The following PTPRG variants were observed in gnomAD, a reference collection of about 807,000 sequenced individuals.
PTPRG encodes the protein receptor-type tyrosine-protein phosphatase gamma.
In PTPRG, 102 loss-of-function variants were observed where a neutral mutation model predicts 165.3. That is an observed-to-expected ratio of 0.62 (90% CI 0.53 to 0.73). The LOEUF (loss-of-function observed/expected upper bound fraction) is 0.73, where lower values mean the gene tolerates loss of function less well. Among genes scored for constraint, PTPRG ranks in the 30% least tolerant of loss-of-function variants. The pLI is 0.00. For missense variants in PTPRG, 1,866 were observed against 1,861.4 expected (o/e 1.00, Z -0.05); for synonymous variants, 675 against 669.5 (o/e 1.01, Z -0.13).
intron 4 of PTPRG, among the ~76,000 whole-genome samples, chr3:62,074,178 AGAGTGTGT>A (rs1429841049): frequency 0.035 from 2,254 of 64,990 alleles, 61 homozygotes; most frequent in African/African-American, 0.099. Context: ...AAAAAAAGTG[AGAGTGTGT>A]GTGTGTGTGT....
intron 4 of PTPRG, among the ~76,000 whole-genome samples, chr3:62,034,880 A>C (rs1699892921): frequency 6.6e-6 from 1 of 152,254 alleles, no homozygotes; most frequent in African/African-American, 2.4e-5. Context: ...TAATGGGAGC[A>C]ATCTCACTCT....
intron 8 of PTPRG, among the ~76,000 whole-genome samples, chr3:62,173,708 C>T (rs1705308937): frequency 6.6e-6 from 1 of 152,182 alleles, no homozygotes; most frequent in Non-Finnish European, 1.5e-5. Flanking sequence ...AGAGGGGTAA[C>T]CAGAGCCTCA....
chr3:62,189,332 G>A lies in PTPRG; in HGVS notation c.1034-2137G>A, dbSNP rs149467553. Among the ~76,000 whole-genome samples, 240 of 152,228 alleles carry A rather than the reference G, an allele frequency of 1.6e-3. 1 individual carries two copies. The Middle Eastern group carries it at 0.065, about 41-fold the overall frequency. ...TCCACCGGCCAGGTCCTCAAAGCTG[G>A]GCCATGCGTCTCTGGCAGGAAAGCC... is the stretch of plus-strand genomic sequence containing the variant. On this transcript the variant is annotated intron_variant, in intron 8 of 29. Coordinates refer to ENST00000474889, the MANE Select transcript of PTPRG (RefSeq NM_002841.4).
chr3:61,836,336 T>C (rs1026123153), intron 2 of PTPRG, among the ~76,000 whole-genome samples: 1 of 152,184 alleles, frequency 6.6e-6, no homozygotes, highest in Non-Finnish European at 1.5e-5. Flanking sequence ...TCTGAGTGTG[T>C]AGTACATAGT....
chr3:61,734,025 G>T (rs532206936), intron 1 of PTPRG, among the ~76,000 whole-genome samples: 1 of 152,082 alleles, frequency 6.6e-6, no homozygotes, highest in Admixed American at 6.6e-5. Context: ...CAAGTGATCC[G>T]CCTGCCTCGG....
In PTPRG at chr3:62,219,007, G is replaced by A. The variant is rs367667189; in HGVS notation, c.2288+24G>A. ...AGGTAAGCCAGGCAGCACCTACAGC[G>A]TAGATTTGGGGGCCAGATGCTGGCC... On this transcript the variant is annotated intron_variant, in intron 13 of 29. Transcript: ENST00000474889. The surrounding 1 kb of genome is among the most constrained non-coding windows in gnomAD (Gnocchi z 4.5). The A allele has an allele frequency of 8.7e-6, 14 of 1,611,272 alleles. No homozygotes were observed. Among genetic ancestry groups the A allele is most frequent in the East Asian group, 2.2e-5 (1 of 44,774 alleles).
chr3:61,749,891 T>G (rs2106919073), intron 2 of PTPRG: 1 of 152,324 alleles, frequency 6.6e-6, no homozygotes, highest in South Asian at 2.1e-4. Context: ...AAAGTATTCT[T>G]TTCATAATGA....
chr3:62,241,771 T>TA (rs1192514907), intron 14 of PTPRG, among the ~76,000 whole-genome samples: 1 of 152,218 alleles, frequency 6.6e-6, no homozygotes, highest in African/African-American at 2.4e-5. Context: ...ATTATGGTCT[T>TA]AAAATCAAAG....
rs1327895968 is a variant in PTPRG at position 61,726,979 on chromosome 3, G to A, written c.86-21899G>A. Among the ~76,000 whole-genome samples the A allele has an allele frequency of 2.6e-5, 4 of 151,824 alleles. No individual in the cohort carries two copies. The South Asian group carries it at 6.2e-4, about 24-fold the overall frequency. On this transcript the variant is annotated intron_variant, in intron 1 of 29. Transcript: ENST00000474889. ...GGAGAATGGCGTGAACCCGGGAGGCGGAGCTTGCAGTGAGCCGAGATTGTG... is the reference window on the plus strand; with the variant it reads ...GGAGAATGGCGTGAACCCGGGAGGCAGAGCTTGCAGTGAGCCGAGATTGTG...
At chr3:61,914,720 G>A (rs531035856) in intron 2 of PTPRG, among the ~76,000 whole-genome samples, 2 of 151,950 alleles carry the variant, frequency 1.3e-5, no homozygotes, top group East Asian at 1.9e-4. Flanking sequence ...GACCCATATC[G>A]AGGTATAATT....
chr3:61,564,933 T>A (rs1699870143), intron 1 of PTPRG, among the ~76,000 whole-genome samples: 2 of 152,250 alleles, frequency 1.3e-5, no homozygotes, highest in African/African-American at 4.8e-5. Flanking sequence ...TTGGGACCCC[T>A]ACTTCTTGCC....
chr3:61,591,869 T>G (rs542781704), intron 1 of PTPRG, among the ~76,000 whole-genome samples: 2 of 152,318 alleles, frequency 1.3e-5, no homozygotes, highest in Middle Eastern at 6.8e-3. Context: ...CAACCTATTC[T>G]GAACTTGATT....
intron 5 of PTPRG, among the ~76,000 whole-genome samples, chr3:62,078,857 C>A (rs1422644028): frequency 6.6e-6 from 1 of 152,148 alleles, no homozygotes; most frequent in East Asian, 1.9e-4. Context: ...TAAAATAATG[C>A]TGTTCAGGCT....
At chr3:62,075,156 C>G (rs2106742686) in intron 4 of PTPRG, among the ~76,000 whole-genome samples, 2 of 152,326 alleles carry the variant, frequency 1.3e-5, no homozygotes, top group Admixed American at 1.3e-4. Flanking sequence ...TTTTTACCCA[C>G]TTGTAAATGA....
At chr3:62,089,041 T>C (rs1264509174) in intron 5 of PTPRG, among the ~76,000 whole-genome samples, 1 of 152,264 alleles carries the variant, frequency 6.6e-6, no homozygotes, top group East Asian at 1.9e-4. Context: ...GATTTTGTTG[T>C]TCAGGGTTTA....
intron 2 of PTPRG, among the ~76,000 whole-genome samples, chr3:61,863,515 C>T (rs1390571479): frequency 6.6e-6 from 1 of 152,200 alleles, no homozygotes; most frequent in Non-Finnish European, 1.5e-5. Flanking sequence ...AATTCCTGGC[C>T]TTCTCTCAGA....
chr3:61,979,135 T>G (rs1344589430), intron 2 of PTPRG, among the ~76,000 whole-genome samples: 1 of 152,214 alleles, frequency 6.6e-6, no homozygotes, highest in Non-Finnish European at 1.5e-5. Flanking sequence ...ATAGCAGAAG[T>G]AGGACTTGGA....
intron 1 of PTPRG, among the ~76,000 whole-genome samples, chr3:61,562,998 G>A (rs1273650721): frequency 6.6e-6 from 1 of 152,116 alleles, no homozygotes; most frequent in Admixed American, 6.5e-5. Context: ...CCGGCGTGAG[G>A]CAGCCTCCTT....
intron 1 of PTPRG, among the ~76,000 whole-genome samples, chr3:61,704,196 C>T (rs2031128627): frequency 6.6e-6 from 1 of 152,118 alleles, no homozygotes; most frequent in Admixed American, 6.5e-5. Flanking sequence ...GGTAGACGGC[C>T]AGGTTTTTGT....
Sources: allele counts gnomAD v4.1 joint callset (sites outside exome capture counted in the v4.1 genomes callset), GRCh38; gene constraint gnomAD v4.1.1; non-coding constraint Gnocchi (gnomAD v3.1); transcripts MANE v1.5; gene names NCBI Gene and HGNC (gene_info 2026-07-23, HGNC 2026-07-21).